ANO4: variants seen among roughly 807,000 people sequenced by gnomAD.
The protein encoded by ANO4 is anoctamin 4, also known as anoctamin-4.
In ANO4, 69 loss-of-function variants were observed where a neutral mutation model predicts 141.9. The ratio of observed to expected loss-of-function variants is 0.49; its 90% CI spans 0.40 to 0.59. The LOEUF (loss-of-function observed/expected upper bound fraction) is 0.59, where lower values mean the gene tolerates loss of function less well. Among genes scored for constraint, ANO4 ranks in the 20% least tolerant of loss-of-function variants. ANO4 has a pLI of 0.00. For synonymous variants in ANO4, 350 were observed against 394.3 expected, an observed-to-expected ratio of 0.89 and a Z score of 1.33; for missense variants, 894 against 1,162.2, an observed-to-expected ratio of 0.77 and a Z score of 3.36.
At chr12:100,829,505 A>G (rs1482951295) in intron 1 of ANO4, among the ~76,000 whole-genome samples, 1 of 152,096 alleles carries the variant, frequency 6.6e-6, no homozygotes, top group East Asian at 1.9e-4. Flanking sequence ...AGGAATTTGA[A>G]CTGGACTTTT....
chr12:100,770,163 G>A (rs1173341795), intron 3 of ANO4, among the ~76,000 whole-genome samples: 2 of 152,222 alleles, frequency 1.3e-5, no homozygotes, highest in Non-Finnish European at 2.9e-5. Context: ...TTCAGTTATA[G>A]AATGTTTTAG....
intron 1 of ANO4, among the ~76,000 whole-genome samples, chr12:100,879,870 A>G (rs2039486523): frequency 6.6e-6 from 1 of 152,204 alleles, no homozygotes; most frequent in African/African-American, 2.4e-5. Context: ...ACAGGTTATA[A>G]TAGAAGTATG....
chr12:100,912,070 A>C (rs1323591092), intron 2 of ANO4, among the ~76,000 whole-genome samples: 1 of 152,070 alleles, frequency 6.6e-6, no homozygotes, highest in Non-Finnish European at 1.5e-5. Context: ...AAAATTAGCA[A>C]TTGACAGACC....
chr12:101,079,318 C>T (rs757850184), intron 15 of ANO4, 43 bp downstream of exon 15: 69 of 1,530,508 alleles, frequency 4.5e-5, no homozygotes, highest in Non-Finnish European at 5.0e-5. Flanking sequence ...AGCAAATCAC[C>T]CAGAACCACA....
At chr12:100,842,702 G>C (rs550274295) in intron 1 of ANO4, among the ~76,000 whole-genome samples, 1 of 152,182 alleles carries the variant, frequency 6.6e-6, no homozygotes, top group Middle Eastern at 3.4e-3. Flanking sequence ...GCTGTTCTCT[G>C]CTTCCAAAAT....
At chr12:100,839,420 C>A (rs920875773) in intron 1 of ANO4, among the ~76,000 whole-genome samples, 3 of 152,024 alleles carry the variant, frequency 2.0e-5, no homozygotes, top group Non-Finnish European at 4.4e-5. Context: ...ATACCTTAAC[C>A]AGTTTATTTC....
intron 1 of ANO4, among the ~76,000 whole-genome samples, chr12:100,806,354 T>C (rs1313445972): frequency 6.6e-6 from 1 of 152,094 alleles, no homozygotes; most frequent in Non-Finnish European, 1.5e-5. Flanking sequence ...TGATCTTTGC[T>C]AATCTGCTGG....
chr12:100,971,156 A>G (rs928676261), intron 5 of ANO4, 150 bp from the exon 6 acceptor site: 5 of 465,706 alleles, frequency 1.1e-5, no homozygotes, highest in Non-Finnish European at 1.9e-5. Context: ...TGTTAAATGA[A>G]TACTTGCACT....
At chr12:100,999,512 A>G (rs2045543218) in intron 8 of ANO4, among the ~76,000 whole-genome samples, 1 of 152,178 alleles carries the variant, frequency 6.6e-6, no homozygotes, top group Non-Finnish European at 1.5e-5. Context: ...CTTTAATTCC[A>G]TCTGCATCAT....
At chr12:101,076,781 C>T (rs2049041634) in intron 14 of ANO4, among the ~76,000 whole-genome samples, 1 of 152,162 alleles carries the variant, frequency 6.6e-6, no homozygotes, top group African/African-American at 2.4e-5. Context: ...GGCCACTTGT[C>T]TCTTCAAGAA....
At chr12:100,797,928 A>C (rs557412958) in intron 1 of ANO4, among the ~76,000 whole-genome samples, 4 of 152,354 alleles carry the variant, frequency 2.6e-5, no homozygotes, top group African/African-American at 9.6e-5. Context: ...CCAAATGTTG[A>C]AACCATAATC....
At chr12:100,991,127 G>C (rs898934490) in intron 8 of ANO4, among the ~76,000 whole-genome samples, 1 of 152,160 alleles carries the variant, frequency 6.6e-6, no homozygotes, top group Non-Finnish European at 1.5e-5. Flanking sequence ...TTAAATAAGT[G>C]TCTTGAATAT....
chr12:101,071,552 G>C (rs910706458), intron 14 of ANO4, among the ~76,000 whole-genome samples: 1 of 151,904 alleles, frequency 6.6e-6, no homozygotes, highest in African/African-American at 2.4e-5. Context: ...AGTGTGGTTG[G>C]GGGTGGAGGG....
At chr12:101,099,487 T>G (rs1442266949) in intron 21 of ANO4, 91 bp from the exon 22 acceptor site, 14 of 1,295,580 alleles carry the variant, frequency 1.1e-5, no homozygotes, top group Admixed American at 1.1e-4. Context: ...TTTTTCAAAC[T>G]ATTGTTTCTG....
chr12:100,984,817 C>T (rs1185300885), intron 7 of ANO4, among the ~76,000 whole-genome samples: 4 of 152,216 alleles, frequency 2.6e-5, no homozygotes, highest in African/African-American at 4.8e-5. Context: ...CCCTGTTCTA[C>T]TCTCTTTTCA....
chr12:101,029,012 T>C (rs1024365298), intron 9 of ANO4, among the ~76,000 whole-genome samples: 3 of 152,124 alleles, frequency 2.0e-5, no homozygotes, highest in Admixed American at 1.3e-4. Context: ...TCAGAAGAGA[T>C]TGGGGGCCAG....
At chr12:100,796,451 T>G (rs1432275807) in intron 1 of ANO4, among the ~76,000 whole-genome samples, 1 of 152,200 alleles carries the variant, frequency 6.6e-6, no homozygotes, top group Non-Finnish European at 1.5e-5. Flanking sequence ...TGCCTTTACC[T>G]TCTTCTCTGG....
chr12:100,765,162 A>G (rs765651973), intron 3 of ANO4, among the ~76,000 whole-genome samples: 8 of 152,094 alleles, frequency 5.3e-5, no homozygotes, highest in Admixed American at 6.6e-5. Context: ...CCGAGATTCT[A>G]TTTCTTCATG....
chr12:101,103,220 T>TAG (rs1794533375), intron 22 of ANO4, among the ~76,000 whole-genome samples: 1 of 134,820 alleles, frequency 7.4e-6, no homozygotes, highest in Non-Finnish European at 1.6e-5. Flanking sequence ...TATATATATA[T>TAG]ATATATATAT....
Sources: allele counts gnomAD v4.1 joint callset (sites outside exome capture counted in the v4.1 genomes callset), GRCh38; gene constraint gnomAD v4.1.1; transcripts MANE v1.5; gene names NCBI Gene and HGNC (gene_info 2026-07-23, HGNC 2026-07-21).